Variants in TBC1D23 observed in about 807,000 individuals in gnomAD.
TBC1D23 encodes the protein HCV non-structural protein 4A-transactivated protein 1.
Under a neutral mutation model 91.4 loss-of-function variants are expected in TBC1D23, and 55 were observed. The observed-to-expected ratio is 0.60, with a 90% CI of 0.48 to 0.75. The LOEUF (loss-of-function observed/expected upper bound fraction) is 0.75, where lower values mean the gene tolerates loss of function less well. Among genes scored for constraint, TBC1D23 ranks in the 30% least tolerant of loss-of-function variants. The pLI, the probability that TBC1D23 is intolerant of heterozygous loss-of-function variation, is 0.00. For synonymous variants in TBC1D23, 289 were observed against 281.0 expected, an observed-to-expected ratio of 1.03 and a Z score of -0.28; for missense variants, 725 against 836.1, an observed-to-expected ratio of 0.87 and a Z score of 1.64.
intron 11 of TBC1D23, among the ~76,000 whole-genome samples, chr3:100,303,879 G>T (rs1445694771): frequency 6.6e-6 from 1 of 152,050 alleles, no homozygotes; most frequent in East Asian, 1.9e-4. Context: ...AATTATTCGA[G>T]TTCTTTATGT....
In TBC1D23 at chr3:100,290,634, A is replaced by T; in HGVS notation, c.533A>T (p.His178Leu). 6.2e-7 allele frequency: 1 copy of T among 1,613,728 alleles called. No individual in the cohort carries two copies. Among genetic ancestry groups the T allele is most frequent in the Non-Finnish European group, 8.5e-7 (1 of 1,179,652 alleles). Residue 178 changes from histidine (H) to leucine (L), a missense_variant, in exon 5 of 19, where the codon CAT becomes CTT. Transcript: ENST00000394144. ...FHLFRLLIQYHEPELCSYLDT... is the reference protein window; with the variant it reads ...FHLFRLLIQYLEPELCSYLDT... ...CTCTTCAGGTTGCTCATCCAATACC[A>T]TGAGCCTGAGCTTTGTTCTTATCTT...
chr3:100,262,585 C>T (rs1203446957), intron 1 of TBC1D23, among the ~76,000 whole-genome samples: 3 of 151,466 alleles, frequency 2.0e-5, no homozygotes, highest in Non-Finnish European at 4.4e-5. Context: ...ATTAGCCGGG[C>T]GTGGTGGCGC....
intron 18 of TBC1D23, among the ~76,000 whole-genome samples, chr3:100,321,978 T>G (rs1469442229): frequency 6.6e-6 from 1 of 152,098 alleles, no homozygotes; most frequent in African/African-American, 2.4e-5. Context: ...AATGCATATG[T>G]TATTTCTCTA....
intron 3 of TBC1D23, 67 bp from the exon 4 acceptor site, chr3:100,283,540 A>G (rs2067713125): frequency 3.1e-6 from 3 of 960,246 alleles, no homozygotes; most frequent in Non-Finnish European, 4.9e-6. Context: ...TTTGTAAACA[A>G]GTGTTATGTC....
At chr3:100,269,306 T>C (rs1400422930) in intron 1 of TBC1D23, among the ~76,000 whole-genome samples, 1 of 152,208 alleles carries the variant, frequency 6.6e-6, no homozygotes, top group East Asian at 1.9e-4. Context: ...AAAGCTGTTT[T>C]TGTGGATCTG....
chr3:100,279,633 A>G lies in TBC1D23; in HGVS notation c.54-16A>G, dbSNP rs2067678200. 1.3e-6 allele frequency: 2 copies of G among 1,482,008 alleles called. No homozygotes were observed. The highest frequency in any genetic ancestry group is 1.9e-6 in the Non-Finnish European group (2 of 1,073,290). The allele number at this position is 1,482,008 out of a possible 1,614,324, so 91.8% of individuals were successfully genotyped here. ...TGAGATAAAGTTCATTTTAATAAAT[A>G]GGACTTATTTTTTAGGGAAAAAGAT... On this transcript the variant is annotated splice_polypyrimidine_tract_variant and intron_variant, in intron 1 of 18. Coordinates refer to ENST00000394144, the MANE Select transcript of TBC1D23 (RefSeq NM_001199198.3).
At chr3:100,307,984 C>T (rs556059926) in intron 13 of TBC1D23, among the ~76,000 whole-genome samples, 1 of 152,250 alleles carries the variant, frequency 6.6e-6, no homozygotes, top group South Asian at 2.1e-4. Flanking sequence ...TTTATATTCC[C>T]ATTCACATCA....
chr3:100,288,086 A>T (rs564705360), intron 4 of TBC1D23, among the ~76,000 whole-genome samples: 305 of 151,756 alleles, frequency 2.0e-3, no homozygotes, highest in African/African-American at 5.2e-3. Flanking sequence ...TACAAAAAAA[A>T]TTTTTTTAAT....
At chr3:100,300,796 G>A (rs771633122) in intron 10 of TBC1D23, among the ~76,000 whole-genome samples, 36 of 151,920 alleles carry the variant, frequency 2.4e-4, no homozygotes, top group Admixed American at 1.3e-4. Context: ...CACCATGCCC[G>A]GCTTGAATTT....
intron 1 of TBC1D23, among the ~76,000 whole-genome samples, chr3:100,271,814 T>G (rs1337184387): frequency 6.6e-6 from 1 of 152,118 alleles, no homozygotes; most frequent in Non-Finnish European, 1.5e-5. Flanking sequence ...GAGTAGAGTA[T>G]AGGAACAGAG....
chr3:100,308,101 T>G lies in TBC1D23; in HGVS notation c.1413+1558T>G, dbSNP rs1315039283. ...GCATTCTTTTCAAAGTACCAAAGAA[T>G]TTTTACAGTTTAATTTGGCTCTGAA... On this transcript the variant is annotated intron_variant, in intron 13 of 18. Coordinates refer to ENST00000394144, the MANE Select transcript of TBC1D23 (RefSeq NM_001199198.3). Among the ~76,000 whole-genome samples, 2 of 152,378 alleles carry G rather than the reference T, an allele frequency of 1.3e-5. 1 individual carries two copies. Among genetic ancestry groups the G allele is most frequent in the Middle Eastern group, 6.8e-3 (2 of 294 alleles).
chr3:100,323,620 A>G lies in TBC1D23; in HGVS notation c.2052A>G (p.Lys684=). Residue 684 remains lysine (K), a synonymous_variant, in exon 19 of 19, where the codon AAA becomes AAG. Transcript: ENST00000394144. The part of the protein sequence containing the change: ...YLIPNAGDAT[K]AIKQQIMKVL... ...TTCCAAATGCAGGGGATGCAACTAA[A>G]GCCATAAAACAGCAGATCATGAAAG... The G allele has an allele frequency of 6.5e-7, 1 of 1,536,822 alleles. No individual in the cohort carries two copies. Among genetic ancestry groups the G allele is most frequent in the Non-Finnish European group, 8.8e-7 (1 of 1,142,492 alleles).
At chr3:100,318,543 C>A (rs1705793886) in intron 16 of TBC1D23, among the ~76,000 whole-genome samples, 1 of 151,840 alleles carries the variant, frequency 6.6e-6, no homozygotes, top group African/African-American at 2.4e-5. Context: ...AATATTTAAA[C>A]CTGACTTTGT....
At chr3:100,261,872 A>AG (rs1276749586) in intron 1 of TBC1D23, among the ~76,000 whole-genome samples, 1 of 152,238 alleles carries the variant, frequency 6.6e-6, no homozygotes, top group Non-Finnish European at 1.5e-5. Flanking sequence ...TTTTTTAAAA[A>AG]GGGACCTTTA....
Position 100,295,346 on chromosome 3 carries a change from T to C in TBC1D23, c.770T>C (p.Ile257Thr), listed in dbSNP as rs2148861540. 2 of 1,605,812 alleles carry C rather than the reference T, an allele frequency of 1.2e-6. No individual in the cohort carries two copies. Among genetic ancestry groups the C allele is most frequent in the Non-Finnish European group, 1.7e-6 (2 of 1,175,678 alleles). ...TQESDSKEEVIKFLENTPSSL... is the reference protein window; with the variant it reads ...TQESDSKEEVTKFLENTPSSL... The stretch of plus-strand genomic sequence containing the variant: ...GAGTCAGACAGCAAAGAAGAAGTTA[T>C]CAGTAAGTATCATTTAATGTAGTGA... The change falls in exon 7 of 19, where the codon ATC becomes ACC. Residue 257 changes from isoleucine (I) to threonine (T), a missense_variant and splice_region_variant. Coordinates refer to ENST00000394144, the MANE Select transcript of TBC1D23 (RefSeq NM_001199198.3).
At chr3:100,284,802 G>T (rs1392836043) in intron 4 of TBC1D23, among the ~76,000 whole-genome samples, 1 of 152,140 alleles carries the variant, frequency 6.6e-6, no homozygotes, top group Non-Finnish European at 1.5e-5. Flanking sequence ...TGGCTTGGCT[G>T]TACAACCTTG....
intron 10 of TBC1D23, 107 bp from the exon 11 acceptor site, chr3:100,301,960 A>T: frequency 2.7e-6 from 2 of 739,176 alleles, no homozygotes; most frequent in Non-Finnish European, 2.2e-6. Context: ...CTTCATTTTC[A>T]TTGTGGCTCT....
intron 2 of TBC1D23, among the ~76,000 whole-genome samples, chr3:100,281,110 C>T (rs570214776): frequency 3.3e-5 from 5 of 152,100 alleles, no homozygotes; most frequent in Admixed American, 3.3e-4. Flanking sequence ...TGCATTGAGC[C>T]GAGATCGTGC....
chr3:100,300,715 G>A (rs1309155457), intron 10 of TBC1D23, among the ~76,000 whole-genome samples: 1 of 151,816 alleles, frequency 6.6e-6, no homozygotes, highest in East Asian at 1.9e-4. Flanking sequence ...GGCCAGGCTG[G>A]TCTCAAACTC....
Sources: allele counts gnomAD v4.1 joint callset (sites outside exome capture counted in the v4.1 genomes callset), GRCh38; gene constraint gnomAD v4.1.1; transcripts MANE v1.5; gene names NCBI Gene and HGNC (gene_info 2026-07-23, HGNC 2026-07-21).